Variants in NEK11 observed in about 807,000 individuals in gnomAD.
The protein encoded by NEK11 is NIMA related kinase 11.
NEK11 carries 72 observed loss-of-function variants against 80.7 expected under a neutral mutation model. The ratio of observed to expected loss-of-function variants is 0.89; its 90% CI spans 0.74 to 1.08. The LOEUF is 1.08. Ranked by LOEUF, NEK11 falls within the 50% of genes least tolerant of loss-of-function variation. NEK11 has a pLI of 0.00. For synonymous variants in NEK11, 251 were observed against 260.7 expected, an observed-to-expected ratio of 0.96 and a Z score of 0.36; for missense variants, 764 against 763.6, an observed-to-expected ratio of 1.00 and a Z score of -0.01.
At chr3:131,310,894 C>T (rs2096775335) in intron 17 of NEK11, among the ~76,000 whole-genome samples, 2 of 152,140 alleles carry the variant, frequency 1.3e-5, no homozygotes, top group African/African-American at 4.8e-5. Flanking sequence ...AAATATGCAG[C>T]CTAGTAATTG....
chr3:131,259,734 G>T (rs1419645662), intron 16 of NEK11, among the ~76,000 whole-genome samples: 1 of 152,134 alleles, frequency 6.6e-6, no homozygotes, highest in Non-Finnish European at 1.5e-5. Flanking sequence ...AGTCATTAAA[G>T]GTTGCTACTT....
intron 14 of NEK11, among the ~76,000 whole-genome samples, chr3:131,187,073 C>T (rs2093629367): frequency 6.6e-6 from 1 of 152,050 alleles, no homozygotes; most frequent in African/African-American, 2.4e-5. Flanking sequence ...GTGCTTGTTT[C>T]TGGTGCTGTG....
chr3:131,194,072 A>G (rs1173193326), intron 14 of NEK11, among the ~76,000 whole-genome samples: 1 of 152,198 alleles, frequency 6.6e-6, no homozygotes, highest in Non-Finnish European at 1.5e-5. Context: ...ACTGGGAGGT[A>G]TGGTGACAGT....
At chr3:131,286,407 T>A (rs938139353) in intron 17 of NEK11, among the ~76,000 whole-genome samples, 1 of 152,244 alleles carries the variant, frequency 6.6e-6, no homozygotes, top group African/African-American at 2.4e-5. Flanking sequence ...GTAAGTAAAC[T>A]ATGTTACATG....
intron 16 of NEK11, among the ~76,000 whole-genome samples, chr3:131,245,305 G>GTC (rs1553961361): frequency 1.4e-5 from 2 of 147,788 alleles, no homozygotes; most frequent in Non-Finnish European, 3.0e-5. Flanking sequence ...ATTCCATTGT[G>GTC]TGTGTGTGTG....
chr3:131,242,581 C>T (rs1443421871), intron 15 of NEK11, among the ~76,000 whole-genome samples: 1 of 152,108 alleles, frequency 6.6e-6, no homozygotes, highest in African/African-American at 2.4e-5. Flanking sequence ...CTACGCCCGG[C>T]TGATTTTTGT....
At chr3:131,196,546 T>G (rs752030070) in intron 14 of NEK11, among the ~76,000 whole-genome samples, 4 of 152,026 alleles carry the variant, frequency 2.6e-5, no homozygotes, top group Non-Finnish European at 5.9e-5. Context: ...TTTTTCTTTT[T>G]TTTTTGAGAC....
intron 17 of NEK11, among the ~76,000 whole-genome samples, chr3:131,293,880 T>C (rs1369502772): frequency 3.9e-5 from 6 of 152,098 alleles, no homozygotes; most frequent in Non-Finnish European, 2.9e-5. Flanking sequence ...CTCATAGTAT[T>C]GTTTTATGAT....
chr3:131,093,402 C>A (rs1432898172), intron 4 of NEK11, among the ~76,000 whole-genome samples: 1 of 146,450 alleles, frequency 6.8e-6, no homozygotes, highest in Non-Finnish European at 1.5e-5. Context: ...TCTAAAAACC[C>A]AATCATGTGG....
chr3:131,043,676 T>C (rs1026734509), intron 3 of NEK11, among the ~76,000 whole-genome samples: 3 of 152,202 alleles, frequency 2.0e-5, no homozygotes, highest in African/African-American at 7.2e-5. Context: ...TGGAACCAAG[T>C]TGGAAAACAC....
chr3:131,296,050 A>C (rs1403890187), intron 17 of NEK11, among the ~76,000 whole-genome samples: 1 of 152,086 alleles, frequency 6.6e-6, no homozygotes, highest in Non-Finnish European at 1.5e-5. Context: ...CATGATGTCC[A>C]ACCTGGTCTT....
chr3:131,089,663 T>C (rs1040514308), intron 4 of NEK11, among the ~76,000 whole-genome samples: 4 of 152,156 alleles, frequency 2.6e-5, no homozygotes, highest in Admixed American at 2.0e-4. Context: ...GGTCTCGAAC[T>C]CCTGACCTCA....
At position 131,341,199 on chromosome 3, in the gene NEK11, C is replaced by T. The variant is rs147618549; in HGVS notation, c.1719-8358C>T. Among the ~76,000 whole-genome samples the T allele has an allele frequency of 8.7e-4, 133 of 152,258 alleles. 1 individual carries two copies. The highest frequency in any genetic ancestry group is 2.6e-3 in the African/African-American group (109 of 41,548). ...TTCCAAATATCAGAATAAATTTACA[C>T]GGCAATATTCCAAGACTAGAACACC... On this transcript the variant is annotated intron_variant, in intron 17 of 17. Coordinates refer to ENST00000383366, the MANE Select transcript of NEK11 (RefSeq NM_024800.5).
At chr3:131,314,931 T>C (rs1315124313) in intron 17 of NEK11, among the ~76,000 whole-genome samples, 2 of 152,218 alleles carry the variant, frequency 1.3e-5, no homozygotes, top group South Asian at 2.1e-4. Context: ...AAATAACTTA[T>C]AAATTATCTT....
chr3:131,285,834 C>G (rs935513743), intron 17 of NEK11, among the ~76,000 whole-genome samples: 1 of 152,154 alleles, frequency 6.6e-6, no homozygotes, highest in Non-Finnish European at 1.5e-5. Context: ...TCCATTTGCT[C>G]CATTTCAGTA....
At chr3:131,043,998 C>T (rs1162919598) in intron 3 of NEK11, among the ~76,000 whole-genome samples, 2 of 152,130 alleles carry the variant, frequency 1.3e-5, no homozygotes, top group Non-Finnish European at 1.5e-5. Flanking sequence ...CCCAGAATTC[C>T]ATATCCAGCC....
At chr3:131,144,708 G>C (rs1393351389) in intron 7 of NEK11, among the ~76,000 whole-genome samples, 1 of 152,156 alleles carries the variant, frequency 6.6e-6, no homozygotes, top group African/African-American at 2.4e-5. Flanking sequence ...TCTGTAATCA[G>C]ATTGTCCAAG....
chr3:131,073,704 GGGCCA>G (rs1196189502), intron 3 of NEK11, among the ~76,000 whole-genome samples: 12 of 152,250 alleles, frequency 7.9e-5, no homozygotes, highest in Middle Eastern at 3.4e-3. Flanking sequence ...TAGGGAAACC[GGGCCA>G]GAATTTAAAA....
At chr3:131,094,096 A>G (rs1275593489) in intron 4 of NEK11, among the ~76,000 whole-genome samples, 1 of 150,234 alleles carries the variant, frequency 6.7e-6, no homozygotes, top group African/African-American at 2.5e-5. Context: ...GAGTTGAGAT[A>G]TAGGGATCCA....
Sources: allele counts gnomAD v4.1 joint callset (sites outside exome capture counted in the v4.1 genomes callset), GRCh38; gene constraint gnomAD v4.1.1; transcripts MANE v1.5; gene names NCBI Gene and HGNC (gene_info 2026-07-23, HGNC 2026-07-21).